The following MIR2052HG variants were observed in gnomAD, a reference collection of about 807,000 sequenced individuals.
MIR2052HG encodes MIR2052 host gene.
At chr8:74,736,685 A>C (rs926883441) in intron 4 of MIR2052HG, among the ~76,000 whole-genome samples, 1 of 152,234 alleles carries the variant, frequency 6.6e-6, no homozygotes, top group African/African-American at 2.4e-5. Flanking sequence ...TCTGCATGAC[A>C]TCAGACTATC....
intron 1 of MIR2052HG, chr8:74,603,482 T>G: frequency 6.3e-7 from 1 of 1,594,508 alleles, no homozygotes; most frequent in Non-Finnish European, 8.6e-7. Flanking sequence ...CGCCCGATTA[T>G]GCAGCCAATC....
At chr8:74,672,179 G>A (rs1489376635) in intron 2 of MIR2052HG, among the ~76,000 whole-genome samples, 2 of 151,778 alleles carry the variant, frequency 1.3e-5, no homozygotes, top group Non-Finnish European at 1.5e-5. Flanking sequence ...TATATTTCTT[G>A]GCCTTCTATG....
chr8:74,669,509 G>T (rs1426443077), intron 2 of MIR2052HG, among the ~76,000 whole-genome samples: 1 of 152,138 alleles, frequency 6.6e-6, no homozygotes, highest in Admixed American at 6.6e-5. Flanking sequence ...ATGAGATCTT[G>T]TCATTTTCCT....
At chr8:74,740,339 C>T (rs1809813200) in intron 4 of MIR2052HG, among the ~76,000 whole-genome samples, 1 of 152,064 alleles carries the variant, frequency 6.6e-6, no homozygotes, top group Non-Finnish European at 1.5e-5. Flanking sequence ...TGGCATGCTC[C>T]TATAATCCCA....
At chr8:74,736,858 G>T (rs760399147) in intron 4 of MIR2052HG, among the ~76,000 whole-genome samples, 3 of 152,134 alleles carry the variant, frequency 2.0e-5, no homozygotes, top group Non-Finnish European at 4.4e-5. Flanking sequence ...GGCCCTCCGG[G>T]ACCATTTCTG....
At chr8:74,756,928 G>C (rs1054065728) in intron 5 of MIR2052HG, 2 of 152,230 alleles carry the variant, frequency 1.3e-5, no homozygotes, top group African/African-American at 2.4e-5. Flanking sequence ...ATTGGTCCTG[G>C]AGTGGATGAA....
intron 5 of MIR2052HG, chr8:74,757,553 C>G (rs1810017391): frequency 6.6e-6 from 1 of 152,174 alleles, no homozygotes; most frequent in African/African-American, 2.4e-5. Flanking sequence ...CCGAATGAGG[C>G]AGAAACAATT....
chr8:74,724,368 C>T (rs1410381710), intron 4 of MIR2052HG, among the ~76,000 whole-genome samples: 1 of 152,124 alleles, frequency 6.6e-6, no homozygotes, highest in African/African-American at 2.4e-5. Flanking sequence ...TAAAGTGATA[C>T]CTGTGACCCT....
At chr8:74,656,908 A>C (rs1345225587) in intron 2 of MIR2052HG, among the ~76,000 whole-genome samples, 1 of 152,228 alleles carries the variant, frequency 6.6e-6, no homozygotes, top group African/African-American at 2.4e-5. Flanking sequence ...TAAACACCTG[A>C]TAATCCTAGA....
intron 4 of MIR2052HG, among the ~76,000 whole-genome samples, chr8:74,708,590 C>A (rs980524310): frequency 6.6e-6 from 1 of 152,060 alleles, no homozygotes; most frequent in African/African-American, 2.4e-5. Flanking sequence ...ACTCTTCTCA[C>A]TCGTTAAATG....
chr8:74,664,933 C>T (rs943526086), intron 2 of MIR2052HG, among the ~76,000 whole-genome samples: 2 of 152,198 alleles, frequency 1.3e-5, no homozygotes, highest in Non-Finnish European at 2.9e-5. Context: ...TATCCTGTTA[C>T]CAGCATCATA....
chr8:74,716,883 A>G (rs1809526581), intron 4 of MIR2052HG, among the ~76,000 whole-genome samples: 1 of 152,118 alleles, frequency 6.6e-6, no homozygotes, highest in Admixed American at 6.5e-5. Context: ...AGTTTTTGCC[A>G]CTGCTTTTTT....
chr8:74,731,402 C>T (rs1399678523), intron 4 of MIR2052HG, among the ~76,000 whole-genome samples: 1 of 152,104 alleles, frequency 6.6e-6, no homozygotes, highest in Non-Finnish European at 1.5e-5. Context: ...GCCTTTCCTA[C>T]CTATGGAGCC....
intron 2 of MIR2052HG, among the ~76,000 whole-genome samples, chr8:74,621,567 G>A (rs910685777): frequency 2.0e-5 from 3 of 152,148 alleles, no homozygotes; most frequent in Admixed American, 2.0e-4. Flanking sequence ...GTGCAAGCAG[G>A]GGAAATGCCA....
At chr8:74,720,040 C>T (rs1809560022) in intron 4 of MIR2052HG, among the ~76,000 whole-genome samples, 2 of 151,670 alleles carry the variant, frequency 1.3e-5, no homozygotes, top group East Asian at 1.9e-4. Context: ...TTAATAGAGA[C>T]GGGGTTTCAC....
intron 4 of MIR2052HG, among the ~76,000 whole-genome samples, chr8:74,729,478 A>G (rs1173203382): frequency 2.0e-5 from 3 of 152,188 alleles, no homozygotes; most frequent in Admixed American, 1.3e-4. Context: ...CAGAGAGATT[A>G]ACATGTGAAA....
At chr8:74,734,159 T>C (rs1405674838) in intron 4 of MIR2052HG, among the ~76,000 whole-genome samples, 2 of 139,680 alleles carry the variant, frequency 1.4e-5, no homozygotes, top group African/African-American at 2.9e-5. Flanking sequence ...GTTGCTTGAG[T>C]CCTGGCTGAG....
At chr8:74,661,331 T>C (rs925973930) in intron 2 of MIR2052HG, among the ~76,000 whole-genome samples, 1 of 151,718 alleles carries the variant, frequency 6.6e-6, no homozygotes, top group African/African-American at 2.4e-5. Flanking sequence ...GCCTCCCGAG[T>C]AGCTGGGATT....
At chr8:74,615,466 A>G (rs1164987495) in intron 2 of MIR2052HG, among the ~76,000 whole-genome samples, 2 of 152,200 alleles carry the variant, frequency 1.3e-5, no homozygotes, top group Non-Finnish European at 2.9e-5. Context: ...TGTTCCTTTT[A>G]GTCCAGTGTT....
Sources: gnomAD v4.1 joint callset for allele counts (sites outside exome capture counted in the v4.1 genomes callset) on GRCh38, gnomAD v4.1.1 for gene constraint, MANE v1.5 for transcripts, NCBI Gene and HGNC (gene_info 2026-07-23, HGNC 2026-07-21) for gene names.